KMT2B: variants seen among roughly 807,000 people sequenced by gnomAD.
The protein encoded by KMT2B is histone-lysine N-methyltransferase 2B.
In KMT2B, 22 loss-of-function variants were observed where a neutral mutation model predicts 255.3. The observed-to-expected ratio is 0.09, with a 90% CI of 0.06 to 0.12. KMT2B has a LOEUF of 0.12. Among genes scored for constraint, KMT2B ranks in the 10% least tolerant of loss-of-function variants. KMT2B has a pLI of 1.00. For missense variants in KMT2B, 3,149 were observed against 3,737.0 expected, an observed-to-expected ratio of 0.84 and a Z score of 4.10; for synonymous variants, 1,730 against 1,498.1, an observed-to-expected ratio of 1.15 and a Z score of -3.57.
At position 35,721,702 on chromosome 19, in the gene KMT2B, G is replaced by T; in HGVS notation, c.2355G>T (p.Leu785=). ...ARIAGVGSLP[L]SGVEEKMFSL... ...TTGCGGGCGTGGGTTCCTTGCCGCT[G>T]TCTGGGGTAGAGGAGAAGATGTTCA... Residue 785 remains leucine (L), a synonymous_variant, in exon 3 of 37, where the codon CTG becomes CTT. Coordinates refer to ENST00000420124, the MANE Select transcript of KMT2B (RefSeq NM_014727.3). 6.2e-7 allele frequency: 1 copy of T among 1,610,648 alleles called. No homozygotes were observed. The highest frequency in any genetic ancestry group is 8.5e-7 in the Non-Finnish European group (1 of 1,178,368).
Position 35,733,318 on chromosome 19 carries a change from C to T in KMT2B, c.6769C>T (p.Pro2257Ser). 3 of 1,508,936 alleles carry T rather than the reference C, an allele frequency of 2.0e-6. No individual in the cohort carries two copies. The highest frequency in any genetic ancestry group is 2.5e-5 in the East Asian group (1 of 40,614). 93.5% of individuals were successfully genotyped at this position (1,508,936 alleles called of 1,614,324 possible). A position where few individuals can be genotyped will look rare whatever the true frequency, so the allele number is the denominator to read the frequency against. The change falls in exon 28 of 37, where the codon CCC (proline) becomes TCC (serine). Residue 2257 changes from proline (P) to serine (S), a missense_variant. Physicochemically the swap from Pro to Ser is moderately conservative, Grantham distance 74 (BLOSUM62 -1). This residue lies in a region of KMT2B where 897 missense variants were observed against 825.3 expected (regional missense o/e 1.09). Coordinates refer to ENST00000420124, the MANE Select transcript of KMT2B (RefSeq NM_014727.3). The surrounding 1 kb of genome is among the most constrained non-coding windows in gnomAD (Gnocchi z 4.3). The part of the protein sequence containing the change: ...GVVRPAPPPP[P>S]PPLTLVLSSG... Reference sequence around the variant, plus strand: ...GGTCCGCCCTGCCCCGCCCCCGCCACCCCCTCCCCTGACGCTGGTGCTGAG... The same window carrying T: ...GGTCCGCCCTGCCCCGCCCCCGCCATCCCCTCCCCTGACGCTGGTGCTGAG...
rs779172579 is a variant in KMT2B, at chr19:35,719,867, C to G, written c.520C>G (p.Pro174Ala). Reference sequence around the variant, plus strand: ...CCTAGCAGATGTGGCTCCTACCCCCCCAAAGACCCCTGCCCGGAAACGGGG... The same window carrying G: ...CCTAGCAGATGTGGCTCCTACCCCCGCAAAGACCCCTGCCCGGAAACGGGG... ...PRLADVAPTP[P>A]KTPARKRGEE... The change falls in exon 3 of 37, where the codon CCA (proline) becomes GCA (alanine). Residue 174 changes from proline to alanine, a missense_variant. Physicochemically the swap from Pro to Ala is conservative, Grantham distance 27. Transcript: ENST00000420124. 9.5e-5 allele frequency: 154 copies of G among 1,613,396 alleles called. No individual in the cohort carries two copies. The highest frequency in any genetic ancestry group is 3.3e-4 in the Middle Eastern group (2 of 6,060).
In KMT2B at chr19:35,723,537, C is replaced by A; in HGVS notation, c.3058+35C>A. On this transcript the variant is annotated intron_variant, in intron 7 of 36. Coordinates refer to ENST00000420124, the MANE Select transcript of KMT2B (RefSeq NM_014727.3). This position sits in a 1 kb window ranked among gnomAD's most constrained non-coding sequence, Gnocchi z 7.5. ...TTTAAGGAGCATTTCTTCTCAAAAC[C>A]GTGTTAGAGTTTGTGCTGTGGAGGG... is the stretch of plus-strand genomic sequence containing the variant. 1 of 1,541,464 alleles carries A rather than the reference C, an allele frequency of 6.5e-7. No individual in the cohort carries two copies. The highest frequency in any genetic ancestry group is 8.8e-7 in the Non-Finnish European group (1 of 1,139,968).
Position 35,727,997 on chromosome 19 carries a change from C to A in KMT2B, c.4497+12C>A. 6.4e-7 allele frequency: 1 copy of A among 1,552,930 alleles called. No homozygotes were observed. The highest frequency in any genetic ancestry group is 8.7e-7 in the Non-Finnish European group (1 of 1,146,236). Reference sequence around the variant, plus strand: ...GGCTCCTGCTGAAGGTGAGCTCTTCCGGGGATGCTTGTGGGGTGGGGGAGT... The same window carrying A: ...GGCTCCTGCTGAAGGTGAGCTCTTCAGGGGATGCTTGTGGGGTGGGGGAGT... On this transcript the variant is annotated intron_variant, in intron 18 of 36. Transcript: ENST00000420124. The surrounding 1 kb of genome is among the most constrained non-coding windows in gnomAD (Gnocchi z 4.2).
In KMT2B at chr19:35,727,925, G is replaced by A. The variant is rs377480201; in HGVS notation, c.4437G>A (p.Ser1479=). 129 of 1,599,354 alleles carry A rather than the reference G, an allele frequency of 8.1e-5. 1 individual carries two copies. The highest frequency in any genetic ancestry group is 9.8e-5 in the Non-Finnish European group (115 of 1,171,388). Residue 1479 remains serine, a synonymous_variant, in exon 18 of 37, where the codon TCG becomes TCA. Coordinates refer to ENST00000420124, the MANE Select transcript of KMT2B (RefSeq NM_014727.3). This position sits in a 1 kb window ranked among gnomAD's most constrained non-coding sequence, Gnocchi z 4.2. ...EDMVGILMRH[S]EEGETPDRRA... ...TGGTGGGCATCCTCATGCGGCACTCGGAGGAGGGAGAGACCCCGGACCGCC... is the reference window on the plus strand; with the variant it reads ...TGGTGGGCATCCTCATGCGGCACTCAGAGGAGGGAGAGACCCCGGACCGCC...
chr19:35,720,596 C>G lies in KMT2B; in HGVS notation c.1249C>G (p.Leu417Val). 30 of 1,503,202 alleles carry G rather than the reference C, an allele frequency of 2.0e-5. No individual in the cohort carries two copies. Among genetic ancestry groups the G allele is most frequent in the Non-Finnish European group, 2.6e-5 (29 of 1,122,956 alleles). 93.1% of individuals were successfully genotyped at this position (1,503,202 alleles called of 1,614,324 possible). ...TCCAGCCCCTTCACCTCCTCCACCC[C>G]TCCCACCCCCTTCGACATCTCCTCC... ...TPPAPSPPPP[L>V]PPPSTSPPPP... The change falls in exon 3 of 37, where the codon CTC becomes GTC. Residue 417 changes from leucine to valine, a missense_variant. By Grantham distance (32) the Leu-to-Val change is conservative (BLOSUM62 1). This residue lies in a region of KMT2B where 1,188 missense variants were observed against 1,106.4 expected (regional missense o/e 1.07). Transcript: ENST00000420124.
rs767974718 is a variant in KMT2B at position 35,724,008 on chromosome 19, G to T, written c.3334+1G>T. The T allele has an allele frequency of 6.3e-7, 1 of 1,582,322 alleles. No homozygotes were observed. The highest frequency in any genetic ancestry group is 8.6e-7 in the Non-Finnish European group (1 of 1,164,500). On this transcript the variant is annotated splice_donor_variant, in intron 8 of 36. Transcript: ENST00000420124. LOFTEE classifies it high-confidence loss of function. Reference sequence around the variant, plus strand: ...CGGCGTCGGACCCCCCGAGAAAATGGTGCGAACTGCTTAATGCTTTCTCTG... The same window carrying T: ...CGGCGTCGGACCCCCCGAGAAAATGTTGCGAACTGCTTAATGCTTTCTCTG...
chr19:35,721,473 C>T lies in KMT2B; in HGVS notation c.2126C>T (p.Pro709Leu), dbSNP rs765713711. The change falls in exon 3 of 37, where the codon CCT becomes CTT. Residue 709 changes from proline to leucine, a missense_variant. By Grantham distance (98) the Pro-to-Leu change is moderately conservative. Transcript: ENST00000420124. ...CACCTCAGCCTGCCTCGATTCGCCC[C>T]TGTGGTCACCACTCCTGTTAAGGCC... ...TNHLSLPRFA[P>L]VVTTPVKAEV... The T allele has an allele frequency of 2.5e-6, 4 of 1,612,832 alleles. No homozygotes were observed. Among genetic ancestry groups the T allele is most frequent in the South Asian group, 1.1e-5 (1 of 91,076 alleles).
intron 30 of KMT2B, among the ~76,000 whole-genome samples, chr19:35,734,261 A>C (rs1274882461): frequency 1.3e-5 from 2 of 151,804 alleles, no homozygotes; most frequent in Non-Finnish European, 2.9e-5. Context: ...GAAGATCAGA[A>C]GAGTGGTGTC....
In KMT2B at chr19:35,733,444, C is replaced by A; in HGVS notation, c.6895C>A (p.Arg2299=). Reference sequence around the variant, plus strand: ...AGCACCTCCCCCATACAAAGCCCCCCGGCTGGATGAAGATGGAGAGGCCTC... The same window carrying A: ...AGCACCTCCCCCATACAAAGCCCCCAGGCTGGATGAAGATGGAGAGGCCTC... The part of the protein sequence containing the change: ...PPAPPPYKAP[R]LDEDGEASED... The change falls in exon 28 of 37, where the codon CGG becomes AGG. Residue 2299 remains arginine (R), a synonymous_variant. Coordinates refer to ENST00000420124, the MANE Select transcript of KMT2B (RefSeq NM_014727.3). The surrounding 1 kb of genome is among the most constrained non-coding windows in gnomAD (Gnocchi z 4.3). The A allele has an allele frequency of 1.9e-6, 3 of 1,559,024 alleles. No individual in the cohort carries two copies. The highest frequency in any genetic ancestry group is 1.9e-5 in the Admixed American group (1 of 52,612).
At position 35,733,731 on chromosome 19, in the gene KMT2B, C is replaced by A. The variant is rs748838475; in HGVS notation, c.7050-32C>A. The A allele has an allele frequency of 6.2e-7, 1 of 1,610,036 alleles. No individual in the cohort carries two copies. The highest frequency in any genetic ancestry group is 1.7e-5 in the Admixed American group (1 of 59,586). On this transcript the variant is annotated intron_variant, in intron 29 of 36. Coordinates refer to ENST00000420124, the MANE Select transcript of KMT2B (RefSeq NM_014727.3). The surrounding 1 kb of genome is among the most constrained non-coding windows in gnomAD (Gnocchi z 4.3). ...TCCCTGGAGGGTCTGGGACCTCTGTCCTTCCCCTTCCTGACAGGTCTCTTC... is the reference window on the plus strand; with the variant it reads ...TCCCTGGAGGGTCTGGGACCTCTGTACTTCCCCTTCCTGACAGGTCTCTTC...
chr19:35,733,823 C>T lies in KMT2B; in HGVS notation c.7110C>T (p.Pro2370=), dbSNP rs773725802. Residue 2370 remains proline, a synonymous_variant, in exon 30 of 37, where the codon CCC becomes CCT. Coordinates refer to ENST00000420124, the MANE Select transcript of KMT2B (RefSeq NM_014727.3). This position sits in a 1 kb window ranked among gnomAD's most constrained non-coding sequence, Gnocchi z 4.3. ...CGGAAGATGGTCCTCCCCAGGTCCC[C>T]GATGGTCCCCCAGACCTGCTGCTTG... ...PLPEDGPPQV[P]DGPPDLLLES... is the part of the protein sequence containing the mutation. 12 of 1,613,708 alleles carry T rather than the reference C, an allele frequency of 7.4e-6. No homozygotes were observed. The East Asian group carries it at 8.9e-5, about 12-fold the overall frequency.
At chr19:35,726,496 C>T in intron 14 of KMT2B, 143 bp downstream of exon 14, 2 of 653,466 alleles carry the variant, frequency 3.1e-6, no homozygotes, top group South Asian at 1.7e-5. Flanking sequence ...GGGAACTCTT[C>T]CACAGGAGTC....
In KMT2B at chr19:35,732,223, T is replaced by C. The variant is rs968061994; in HGVS notation, c.5674T>C (p.Ser1892Pro). ...CAACCCTCCCCCCACAGGAAGTCCA[T>C]CTTCACTGACCCACCACATCCCCAC... ...FGPLPSPGSPSSLTHHIPTVG... is the reference protein window; with the variant it reads ...FGPLPSPGSPPSLTHHIPTVG... The change falls in exon 28 of 37, where the codon TCT (serine) becomes CCT (proline). Residue 1892 changes from serine to proline, a missense_variant. Ser to Pro is a moderately conservative substitution (Grantham distance 74). Around this residue, in one of 18 missense-constraint regions of KMT2B, gnomAD observed 897 missense variants for 825.3 expected, o/e 1.09. Transcript: ENST00000420124. 2 of 1,595,036 alleles carry C rather than the reference T, an allele frequency of 1.3e-6. No individual in the cohort carries two copies. The highest frequency in any genetic ancestry group is 1.7e-6 in the Non-Finnish European group (2 of 1,168,360).
In KMT2B at chr19:35,721,350, C is replaced by G. The variant is rs1479465736; in HGVS notation, c.2003C>G (p.Pro668Arg). Residue 668 changes from proline (P) to arginine (R), a missense_variant, in exon 3 of 37, where the codon CCT (proline) becomes CGT (arginine). Around this residue, in one of 18 missense-constraint regions of KMT2B, gnomAD observed 1,188 missense variants for 1,106.4 expected, o/e 1.07. Transcript: ENST00000420124. ...AAGATCTACGAATCGGTGCTTACTCCTCCTCCTCTTGGGGCTCCTGAAGCC... is the reference window on the plus strand; with the variant it reads ...AAGATCTACGAATCGGTGCTTACTCGTCCTCCTCTTGGGGCTCCTGAAGCC... ...HLKIYESVLT[P>R]PPLGAPEAPE... is the part of the protein sequence containing the mutation. 6.3e-7 allele frequency: 1 copy of G among 1,582,840 alleles called. No homozygotes were observed. Among genetic ancestry groups the G allele is most frequent in the Admixed American group, 1.8e-5 (1 of 54,924 alleles).
intron 14 of KMT2B, 52 bp downstream of exon 14, chr19:35,726,405 G>C (rs886725617): frequency 2.4e-6 from 3 of 1,252,992 alleles, no homozygotes; most frequent in Non-Finnish European, 3.5e-6. Flanking sequence ...GGAATGGCCA[G>C]GCTCTTTTAC....
rs769427218 is a variant in KMT2B, at chr19:35,732,718, C to A, written c.6169C>A (p.Arg2057Ser). The A allele has an allele frequency of 8.7e-6, 14 of 1,609,884 alleles. 1 individual carries two copies. The African/African-American group carries it at 1.9e-4, about 22-fold the overall frequency. Residue 2057 changes from arginine (R) to serine (S), a missense_variant, in exon 28 of 37, where the codon CGC (arginine) becomes AGC (serine). Physicochemically the swap from Arg to Ser is moderately radical, Grantham distance 110. Coordinates refer to ENST00000420124, the MANE Select transcript of KMT2B (RefSeq NM_014727.3). The stretch of plus-strand genomic sequence containing the variant: ...CCCCAGCGCTACCCCTGGAGCCCCC[C>A]GCATTGAACAGCTGGACGGCGTGGA... Reference protein sequence around the residue: ...LAPSATPGAPRIEQLDGVDDG... With the variant: ...LAPSATPGAPSIEQLDGVDDG...
chr19:35,730,296 C>T (rs1232124634), intron 23 of KMT2B, 46 bp from the exon 24 acceptor site: 8 of 1,606,024 alleles, frequency 5.0e-6, no homozygotes, highest in Non-Finnish European at 6.8e-6. Context: ...TGGCATCCAC[C>T]TCCCCCACCA....
Position 35,720,937 on chromosome 19 carries a change from T to C in KMT2B, c.1590T>C (p.Pro530=), listed in dbSNP as rs1969169415. 2 of 1,611,748 alleles carry C rather than the reference T, an allele frequency of 1.2e-6. No homozygotes were observed. The highest frequency in any genetic ancestry group is 1.7e-6 in the Non-Finnish European group (2 of 1,179,138). ...AGAATATCCGGCAGTTTATTATGCCTGTGGTGAGTGCCCGCTCCTCCCGTG... is the reference window on the plus strand; with the variant it reads ...AGAATATCCGGCAGTTTATTATGCCCGTGGTGAGTGCCCGCTCCTCCCGTG... ...FLKNIRQFIM[P]VVSARSSRVI... Residue 530 remains proline (P), a synonymous_variant, in exon 3 of 37, where the codon CCT becomes CCC. Coordinates refer to ENST00000420124, the MANE Select transcript of KMT2B (RefSeq NM_014727.3).
Sources: allele counts gnomAD v4.1 joint callset (sites outside exome capture counted in the v4.1 genomes callset), GRCh38; gene constraint gnomAD v4.1.1; regional missense constraint gnomAD v4.1.1; non-coding constraint Gnocchi (gnomAD v3.1); transcripts MANE v1.5; gene names NCBI Gene and HGNC (gene_info 2026-07-23, HGNC 2026-07-21).